The following GNA12 variants were observed in gnomAD, a reference collection of about 807,000 sequenced individuals.
GNA12 encodes the protein G protein subunit alpha 12.
Under a neutral mutation model 26.0 loss-of-function variants are expected in GNA12, and 9 were observed. That is an observed-to-expected ratio of 0.35 (90% CI 0.21 to 0.60). The LOEUF (loss-of-function observed/expected upper bound fraction) is 0.60, where lower values mean the gene tolerates loss of function less well. Among genes scored for constraint, GNA12 ranks in the 20% least tolerant of loss-of-function variants. The pLI is 0.78. For missense variants in GNA12, 405 were observed against 525.8 expected (o/e 0.77, Z 2.25); for synonymous variants, 264 against 219.6 (o/e 1.20, Z -1.79).
At chr7:2,737,569 G>T (rs1012803446) in intron 2 of GNA12, among the ~76,000 whole-genome samples, 4 of 152,124 alleles carry the variant, frequency 2.6e-5, no homozygotes, top group East Asian at 1.9e-4. Flanking sequence ...GATTACAGGC[G>T]TGAGCCACAG....
At chr7:2,733,383 T>A (rs912046336) in intron 3 of GNA12, 68 bp downstream of exon 3, 2 of 1,270,824 alleles carry the variant, frequency 1.6e-6, no homozygotes, top group African/African-American at 3.5e-5. Context: ...CAACGTGGAC[T>A]GCTTTGGTCT....
intron 1 of GNA12, among the ~76,000 whole-genome samples, chr7:2,825,546 AG>A (rs1270619140): frequency 1.3e-5 from 2 of 152,230 alleles, no homozygotes; most frequent in Non-Finnish European, 2.9e-5. Flanking sequence ...GCTGGAGAGA[AG>A]GGAGCTATCT....
In GNA12 at chr7:2,730,704, T is replaced by A. The variant is rs1789844806; in HGVS notation, c.*477A>T. On this transcript the variant is annotated 3_prime_UTR_variant, in exon 4 of 4. Transcript: ENST00000275364. ...TTTAGCAGCATCGGCGTGCACTGGA[T>A]CTCTACAAGCTACTGTTAGGCAAAG... The A allele has an allele frequency of 1.3e-5, 2 of 155,612 alleles. No individual in the cohort carries two copies. The highest frequency in any genetic ancestry group is 1.3e-4 in the Admixed American group (2 of 15,966). 9.6% of individuals were successfully genotyped at this position (155,612 alleles called of 1,614,324 possible).
At chr7:2,789,850 C>T (rs562443378) in intron 2 of GNA12, among the ~76,000 whole-genome samples, 1 of 152,192 alleles carries the variant, frequency 6.6e-6, no homozygotes, top group Non-Finnish European at 1.5e-5. Context: ...CAAAAAGGAA[C>T]CAGCACAGAG....
chr7:2,790,617 C>T (rs946022253), intron 2 of GNA12, among the ~76,000 whole-genome samples: 4 of 152,152 alleles, frequency 2.6e-5, no homozygotes, highest in Non-Finnish European at 5.9e-5. Flanking sequence ...GATCCACACA[C>T]CAAAGACACT....
chr7:2,842,311 A>G (rs937271497), intron 1 of GNA12, among the ~76,000 whole-genome samples: 2 of 148,138 alleles, frequency 1.4e-5, no homozygotes. Flanking sequence ...TATCAACTCT[A>G]TGGTTCTTTT....
At chr7:2,810,145 G>A (rs947332868) in intron 1 of GNA12, among the ~76,000 whole-genome samples, 2 of 152,214 alleles carry the variant, frequency 1.3e-5, no homozygotes, top group African/African-American at 4.8e-5. Flanking sequence ...AACCTCACAG[G>A]CGGGTGGCTT....
intron 1 of GNA12, among the ~76,000 whole-genome samples, chr7:2,805,411 T>TC (rs1792922242): frequency 6.6e-6 from 1 of 152,046 alleles, no homozygotes; most frequent in African/African-American, 2.4e-5. Context: ...GAGATTTTCT[T>TC]TTTTTTTGTA....
intron 2 of GNA12, among the ~76,000 whole-genome samples, chr7:2,781,926 G>A (rs540716087): frequency 6.6e-6 from 1 of 152,324 alleles, no homozygotes; most frequent in South Asian, 2.1e-4. Flanking sequence ...CAAAGCTACA[G>A]TAATCAAAGT....
At chr7:2,835,575 CT>C in intron 1 of GNA12, 2 of 544,916 alleles carry the variant, frequency 3.7e-6, no homozygotes, top group South Asian at 2.2e-5. Context: ...CAAGAGCGCG[CT>C]TGGGGGCAAA....
intron 1 of GNA12, chr7:2,835,761 C>A: frequency 1.3e-6 from 1 of 767,856 alleles, no homozygotes. Flanking sequence ...AGAAACAACT[C>A]CAAAACGTAG....
chr7:2,839,863 G>A (rs1226413130), intron 1 of GNA12, among the ~76,000 whole-genome samples: 1 of 152,184 alleles, frequency 6.6e-6, no homozygotes, highest in Non-Finnish European at 1.5e-5. Flanking sequence ...GCTGGACGTG[G>A]TGGTGGGCGC....
At chr7:2,795,202 A>G in intron 1 of GNA12, 59 bp from the exon 2 acceptor site, 3 of 1,290,980 alleles carry the variant, frequency 2.3e-6, no homozygotes, top group South Asian at 1.2e-5. Context: ...AAACCACGCT[A>G]GAGAAGCTCA....
chr7:2,741,810 G>A (rs528226551), intron 2 of GNA12, among the ~76,000 whole-genome samples: 1 of 150,978 alleles, frequency 6.6e-6, no homozygotes, highest in African/African-American at 2.4e-5. Flanking sequence ...GCAACTTCAG[G>A]TGCTGCTTCA....
intron 1 of GNA12, 118 bp downstream of exon 1, chr7:2,843,735 T>G: frequency 2.2e-6 from 1 of 459,308 alleles, no homozygotes; most frequent in Non-Finnish European, 3.8e-6. Flanking sequence ...CGGGGCTGGA[T>G]CCAGCATCCT....
At chr7:2,831,399 ACTTT>A (rs1778646172) in intron 1 of GNA12, among the ~76,000 whole-genome samples, 2 of 137,112 alleles carry the variant, frequency 1.5e-5, no homozygotes, top group African/African-American at 5.2e-5. Context: ...ATGGAACTTC[ACTTT>A]CTTTTTTTTT....
intron 1 of GNA12, among the ~76,000 whole-genome samples, chr7:2,821,102 T>C (rs1488349069): frequency 6.6e-6 from 1 of 152,206 alleles, no homozygotes; most frequent in Non-Finnish European, 1.5e-5. Context: ...TTCACAAAAA[T>C]GTTGTCTAGG....
intron 2 of GNA12, among the ~76,000 whole-genome samples, chr7:2,748,412 G>A (rs1437941045): frequency 1.3e-5 from 2 of 152,130 alleles, no homozygotes; most frequent in Admixed American, 6.5e-5. Flanking sequence ...AATGGGGAAA[G>A]GATTCCCTAT....
intron 1 of GNA12, among the ~76,000 whole-genome samples, chr7:2,843,357 A>G (rs1437307104): frequency 6.6e-6 from 1 of 152,034 alleles, no homozygotes; most frequent in Non-Finnish European, 1.5e-5. Context: ...GAGAGGGCAG[A>G]GGCAGACCGG....
Sources: gnomAD v4.1 joint callset for allele counts (sites outside exome capture counted in the v4.1 genomes callset) on GRCh38, gnomAD v4.1.1 for gene constraint, MANE v1.5 for transcripts, NCBI Gene and HGNC (gene_info 2026-07-23, HGNC 2026-07-21) for gene names.